ERG: variants seen among roughly 807,000 people sequenced by gnomAD.
ERG encodes the protein ETS transcription factor ERG, also known as transcriptional regulator ERG.
Under a neutral mutation model 55.3 loss-of-function variants are expected in ERG, and 9 were observed. The ratio of observed to expected loss-of-function variants is 0.16; its 90% confidence interval spans 0.10 to 0.28. The LOEUF (loss-of-function observed/expected upper bound fraction) is 0.28, where lower values mean the gene tolerates loss of function less well. Among genes scored for constraint, ERG ranks in the 10% least tolerant of loss-of-function variants. ERG has a pLI of 1.00. For missense variants in ERG, 434 were observed against 631.6 expected (o/e 0.69, Z 3.35); for synonymous variants, 223 against 237.3 (o/e 0.94, Z 0.55).
intron 2 of ERG, among the ~76,000 whole-genome samples, chr21:38,552,791 C>T (rs1601232117): frequency 6.6e-6 from 1 of 151,360 alleles, no homozygotes; most frequent in Non-Finnish European, 1.5e-5. Context: ...TGCCCACTCT[C>T]ACCACTCTTA....
intron 2 of ERG, among the ~76,000 whole-genome samples, chr21:38,541,827 T>C (rs1333825553): frequency 1.3e-5 from 2 of 152,196 alleles, no homozygotes; most frequent in Admixed American, 1.3e-4. Context: ...ATCTAGGTGA[T>C]GGGTTGATAG....
chr21:38,402,489 T>C (rs1988542298), intron 5 of ERG, 68 bp downstream of exon 5: 4 of 1,222,910 alleles, frequency 3.3e-6, no homozygotes, highest in East Asian at 2.4e-5. Context: ...TGGTTTCCCA[T>C]GAAAGCATGC....
intron 2 of ERG, among the ~76,000 whole-genome samples, chr21:38,438,905 C>G (rs569747168): frequency 6.6e-6 from 1 of 152,198 alleles, no homozygotes; most frequent in African/African-American, 2.4e-5. Context: ...GGGCTGCCAC[C>G]CAGGTCTCTT....
intron 1 of ERG, among the ~76,000 whole-genome samples, chr21:38,463,211 G>C (rs1366194023): frequency 6.6e-6 from 1 of 152,144 alleles, no homozygotes; most frequent in Non-Finnish European, 1.5e-5. Flanking sequence ...CTGCTTGCTG[G>C]GGTCTGTGCT....
At position 38,381,546 on chromosome 21, in the gene ERG, A is replaced by C. The variant is rs998182756; in HGVS notation, c.*1857T>G. On this transcript the variant is annotated 3_prime_UTR_variant, in exon 10 of 10. Transcript: ENST00000288319. ...CTCCTGAAAGAGAAACCCCGCAGCA[A>C]ATCTAGACGTTATCCCTTGTTTCTG... 5.3e-5 allele frequency: 56 copies of C among 1,063,830 alleles called. No homozygotes were observed. The highest frequency in any genetic ancestry group is 6.1e-5 in the Non-Finnish European group (54 of 878,434). 65.9% of individuals were successfully genotyped at this position (1,063,830 alleles called of 1,614,324 possible). A position where few individuals can be genotyped will look rare whatever the true frequency, so the allele number is the denominator to read the frequency against.
Position 38,656,872 on chromosome 21 carries a change from C to T in ERG, c.-150+4786G>A, listed in dbSNP as rs572531638. 2.0e-3 allele frequency among the ~76,000 whole-genome samples: 308 copies of T among 152,228 alleles called. 3 individuals carry two copies. In the South Asian group the frequency reaches 0.062, roughly 31 times the overall value. On this transcript the variant is annotated intron_variant, in intron 1 of 10. Coordinates refer to the ERG transcript ENST00000398910. Reference sequence around the variant, plus strand: ...TATATGCCTGTTTTCTTTCCTATTTCCTAGAGAGACAGCTTTTCCCCCCCG... The same window carrying T: ...TATATGCCTGTTTTCTTTCCTATTTTCTAGAGAGACAGCTTTTCCCCCCCG...
intron 1 of ERG, among the ~76,000 whole-genome samples, chr21:38,646,133 CA>C (rs1219329858): frequency 6.6e-6 from 1 of 151,952 alleles, no homozygotes; most frequent in Non-Finnish European, 1.5e-5. Context: ...ATTAAAAAAT[CA>C]GCTGGGTATG....
At chr21:38,577,447 C>T (rs747854219) in intron 1 of ERG, among the ~76,000 whole-genome samples, 1 of 152,050 alleles carries the variant, frequency 6.6e-6, no homozygotes, top group Non-Finnish European at 1.5e-5. Context: ...GTACTTCCCC[C>T]CACCCCCACC....
chr21:38,621,238 A>G (rs922617024), intron 1 of ERG, among the ~76,000 whole-genome samples: 5 of 151,700 alleles, frequency 3.3e-5, no homozygotes, highest in African/African-American at 9.7e-5. Flanking sequence ...ATTGTCCCCA[A>G]CTCTTATGTC....
At chr21:38,661,696 C>A (rs1233463022), upstream of ERG, 1 of 152,308 alleles carries the variant, frequency 6.6e-6, no homozygotes, top group Non-Finnish European at 1.5e-5. Context: ...CCTCGGGGGC[C>A]GTCACGACCG....
chr21:38,555,182 C>T (rs2059850434), intron 2 of ERG, among the ~76,000 whole-genome samples: 1 of 151,932 alleles, frequency 6.6e-6, no homozygotes, highest in Non-Finnish European at 1.5e-5. Flanking sequence ...CAAAAATTAT[C>T]CAGGCATGGT....
chr21:38,496,700 A>G (rs2146689057), intron 1 of ERG, among the ~76,000 whole-genome samples: 1 of 152,360 alleles, frequency 6.6e-6, no homozygotes, highest in Non-Finnish European at 1.5e-5. Context: ...TCAGAAAATC[A>G]CAAAATATTC....
At position 38,380,208 on chromosome 21, in the gene ERG, C is replaced by G; in HGVS notation, c.*3195G>C. The G allele has an allele frequency of 3.8e-6, 4 of 1,051,294 alleles. No individual in the cohort carries two copies. Among genetic ancestry groups the G allele is most frequent in the Non-Finnish European group, 3.4e-6 (3 of 870,562 alleles). The allele number at this position is 1,051,294 out of a possible 1,614,324, so 65.1% of individuals were successfully genotyped here. A position where few individuals can be genotyped will look rare whatever the true frequency, so the allele number is the denominator to read the frequency against. On this transcript the variant is annotated 3_prime_UTR_variant, in exon 10 of 10. Coordinates refer to ENST00000288319, the MANE Select transcript of ERG (RefSeq NM_182918.4). ...AGAACATCTGTGCTTTCCCTGTGCC[C>G]CATCACCTTCCCAGCTCCTGAGCTG...
intron 2 of ERG, among the ~76,000 whole-genome samples, chr21:38,427,580 G>A (rs995378547): frequency 6.6e-6 from 1 of 152,262 alleles, no homozygotes; most frequent in South Asian, 2.1e-4. Flanking sequence ...ACTTCAGTGC[G>A]GGTGGCCCGA....
At chr21:38,524,962 A>G (rs1197244316) in intron 2 of ERG, among the ~76,000 whole-genome samples, 2 of 152,202 alleles carry the variant, frequency 1.3e-5, no homozygotes, top group Non-Finnish European at 1.5e-5. Context: ...AAAACACAAG[A>G]GCTCATGTTA....
chr21:38,631,185 C>A (rs1032636105), intron 1 of ERG, among the ~76,000 whole-genome samples: 3 of 152,140 alleles, frequency 2.0e-5, no homozygotes, highest in Non-Finnish European at 4.4e-5. Context: ...TCAACTCGGA[C>A]TGCATCTTGC....
intron 5 of ERG, 141 bp from the exon 6 acceptor site, chr21:38,400,786 A>G (rs1357180189): frequency 4.9e-6 from 3 of 618,108 alleles, no homozygotes; most frequent in Admixed American, 2.9e-5. Flanking sequence ...CTCCGGAGAA[A>G]CAGACAGGTG....
At chr21:38,518,536 A>G (rs1748015060) in intron 2 of ERG, among the ~76,000 whole-genome samples, 2 of 152,182 alleles carry the variant, frequency 1.3e-5, no homozygotes, top group South Asian at 4.1e-4. Flanking sequence ...GTAGTTAAAA[A>G]AGGGAGAAAC....
chr21:38,518,476 C>A (rs1246396480), intron 2 of ERG, among the ~76,000 whole-genome samples: 1 of 151,964 alleles, frequency 6.6e-6, no homozygotes. Context: ...TATGGACACA[C>A]TTGATTTTTG....
Sources: gnomAD v4.1 joint callset for allele counts (sites outside exome capture counted in the v4.1 genomes callset) on GRCh38, gnomAD v4.1.1 for gene constraint, MANE v1.5 for transcripts, NCBI Gene and HGNC (gene_info 2026-07-23, HGNC 2026-07-21) for gene names.